Variants in MPDZ observed in about 807,000 individuals in gnomAD.
The protein encoded by MPDZ is multiple PDZ domain crumbs cell polarity complex component.
Under a neutral mutation model 239.1 loss-of-function variants are expected in MPDZ, and 234 were observed. That is an observed-to-expected ratio of 0.98 (90% CI 0.88 to 1.09). The LOEUF is 1.09. Among genes scored for constraint, MPDZ ranks in the 50% least tolerant of loss-of-function variants. MPDZ has a pLI of 0.00. For missense variants in MPDZ, 3,175 were observed against 2,510.0 expected, an observed-to-expected ratio of 1.26 and a Z score of -5.66; for synonymous variants, 1,048 against 881.3, an observed-to-expected ratio of 1.19 and a Z score of -3.35.
intron 1 of MPDZ, among the ~76,000 whole-genome samples, chr9:13,261,446 A>C (rs1031360349): frequency 6.6e-6 from 1 of 152,028 alleles, no homozygotes; most frequent in Non-Finnish European, 1.5e-5. Flanking sequence ...GTACCATATC[A>C]TTACATCCAA....
chr9:13,164,345 A>G (rs1379433452), intron 22 of MPDZ, among the ~76,000 whole-genome samples: 7 of 152,200 alleles, frequency 4.6e-5, no homozygotes, highest in African/African-American at 1.7e-4. Flanking sequence ...CCCTTCAAAT[A>G]ATACATTATG....
intron 24 of MPDZ, among the ~76,000 whole-genome samples, chr9:13,150,924 A>G (rs1949081677): frequency 6.6e-6 from 1 of 152,092 alleles, no homozygotes; most frequent in South Asian, 2.1e-4. Flanking sequence ...AACATATCTG[A>G]TAAGAGATTC....
At position 13,252,461 on chromosome 9, in the gene MPDZ, G is replaced by C. The variant is rs548926132; in HGVS notation, c.-57-2089C>G. On this transcript the variant is annotated intron_variant, in intron 1 of 46. Coordinates refer to ENST00000319217, the MANE Select transcript of MPDZ (RefSeq NM_001378778.1). Reference sequence around the variant, plus strand: ...CCAGCCTATAATCCCAGCTACTCAGGAGTCTGAGACAGGAGAATCACTTGA... The same window carrying C: ...CCAGCCTATAATCCCAGCTACTCAGCAGTCTGAGACAGGAGAATCACTTGA... Among the ~76,000 whole-genome samples, 13 of 151,454 alleles carry C rather than the reference G, an allele frequency of 8.6e-5. No homozygotes were observed. In the East Asian group the frequency reaches 9.8e-4, roughly 11 times the overall value.
intron 10 of MPDZ, among the ~76,000 whole-genome samples, chr9:13,207,158 G>A (rs1957097497): frequency 6.6e-6 from 1 of 152,150 alleles, no homozygotes; most frequent in South Asian, 2.1e-4. Flanking sequence ...AAGAAAAAAA[G>A]TGTCCTGTCT....
At chr9:13,198,604 G>C (rs1009154806) in intron 12 of MPDZ, among the ~76,000 whole-genome samples, 17 of 151,860 alleles carry the variant, frequency 1.1e-4, no homozygotes, top group African/African-American at 3.9e-4. Context: ...GATCCCATTT[G>C]TCCATTTTGG....
chr9:13,168,290 G>T, intron 22 of MPDZ, 76 bp downstream of exon 22: 3 of 1,361,022 alleles, frequency 2.2e-6, no homozygotes, highest in South Asian at 1.2e-5. Context: ...AAACAGAAGT[G>T]AATACTGAAA....
intron 3 of MPDZ, among the ~76,000 whole-genome samples, chr9:13,239,376 T>A (rs1324653683): frequency 6.6e-6 from 1 of 152,252 alleles, no homozygotes; most frequent in East Asian, 1.9e-4. Flanking sequence ...CATTTCCCTA[T>A]CTATAAAATG....
At chr9:13,154,341 A>T (rs902828128) in intron 24 of MPDZ, among the ~76,000 whole-genome samples, 4 of 152,102 alleles carry the variant, frequency 2.6e-5, no homozygotes, top group African/African-American at 9.7e-5. Flanking sequence ...GGGAAAAAAA[A>T]GGCAGCCTAT....
rs143164446 is a variant in MPDZ at position 13,183,674 on chromosome 9, G to A, written c.2482-89C>T. On this transcript the variant is annotated intron_variant, in intron 18 of 46. Coordinates refer to ENST00000319217, the MANE Select transcript of MPDZ (RefSeq NM_001378778.1). The stretch of plus-strand genomic sequence containing the variant: ...CCACTTGAGACTAAAAGGCAAACTG[G>A]TATCATTCTTTTATCTATTGTATTT... The A allele has an allele frequency of 3.2e-6, 4 of 1,231,470 alleles. No individual in the cohort carries two copies. In the South Asian group the frequency reaches 3.8e-5, roughly 12 times the overall value. 76.3% of individuals were successfully genotyped at this position (1,231,470 alleles called of 1,614,324 possible).
intron 35 of MPDZ, among the ~76,000 whole-genome samples, chr9:13,123,947 A>G (rs887178629): frequency 1.3e-5 from 2 of 152,220 alleles, no homozygotes; most frequent in Non-Finnish European, 1.5e-5. Flanking sequence ...TCAGAAATGA[A>G]TAGATAAGAA....
chr9:13,155,116 C>G (rs1364906749), intron 24 of MPDZ, among the ~76,000 whole-genome samples: 1 of 150,046 alleles, frequency 6.7e-6, no homozygotes, highest in Non-Finnish European at 1.5e-5. Flanking sequence ...ACTTAGGAGG[C>G]TGAGGCAGGA....
intron 35 of MPDZ, among the ~76,000 whole-genome samples, chr9:13,124,617 A>T (rs1194458708): frequency 6.6e-6 from 1 of 152,222 alleles, no homozygotes; most frequent in East Asian, 1.9e-4. Context: ...GACACATTAA[A>T]GTGTCACCCT....
At chr9:13,163,438 G>A (rs1046296706) in intron 22 of MPDZ, among the ~76,000 whole-genome samples, 2 of 152,110 alleles carry the variant, frequency 1.3e-5, no homozygotes, top group Admixed American at 6.6e-5. Flanking sequence ...ATTTACACGT[G>A]AATGGCCATT....
chr9:13,110,250 G>C (rs1481288027), intron 44 of MPDZ, among the ~76,000 whole-genome samples, 186 bp from the exon 45 acceptor site: 1 of 152,198 alleles, frequency 6.6e-6, no homozygotes, highest in Non-Finnish European at 1.5e-5. Context: ...TAACTGTCCT[G>C]ACAGTAAACA....
chr9:13,139,156 T>C (rs935624865), intron 28 of MPDZ, among the ~76,000 whole-genome samples: 6 of 152,208 alleles, frequency 3.9e-5, no homozygotes, highest in Non-Finnish European at 7.3e-5. Flanking sequence ...GATTCTTAAC[T>C]GCATCAATTT....
Position 13,226,796 on chromosome 9 carries a change from C to T in MPDZ, c.184-2213G>A, listed in dbSNP as rs568510029. 3.9e-5 allele frequency among the ~76,000 whole-genome samples: 6 copies of T among 152,230 alleles called. No homozygotes were observed. In the South Asian group the frequency reaches 1.2e-3, roughly 32 times the overall value. ...TTGACTATTTTATTTTTACTATGCCCTCGTTCTCTAGAAGAATGCCTTATA... is the reference window on the plus strand; with the variant it reads ...TTGACTATTTTATTTTTACTATGCCTTCGTTCTCTAGAAGAATGCCTTATA... On this transcript the variant is annotated intron_variant, in intron 3 of 46. Coordinates refer to ENST00000319217, the MANE Select transcript of MPDZ (RefSeq NM_001378778.1).
chr9:13,184,740 T>C (rs987293244), intron 18 of MPDZ, among the ~76,000 whole-genome samples: 2 of 151,960 alleles, frequency 1.3e-5, no homozygotes, highest in African/African-American at 4.8e-5. Context: ...TCAATATAAT[T>C]TGTATGTATA....
rs564875984 is a variant in MPDZ at position 13,245,424 on chromosome 9, A to G, written c.183+2211T>C. Among the ~76,000 whole-genome samples, 185 of 151,540 alleles carry G rather than the reference A, an allele frequency of 1.2e-3. 1 individual carries two copies. The highest frequency in any genetic ancestry group is 6.0e-3 in the South Asian group (29 of 4,816). ...CTTTCTACCTTTGAAAAAAAAAAAA[A>G]AAGAAGAAGAAGATGTGAGACAGGC... is the stretch of plus-strand genomic sequence containing the variant. On this transcript the variant is annotated intron_variant, in intron 3 of 46. Coordinates refer to ENST00000319217, the MANE Select transcript of MPDZ (RefSeq NM_001378778.1).
At chr9:13,139,913 G>A in intron 28 of MPDZ, 74 bp downstream of exon 28, 2 of 1,561,818 alleles carry the variant, frequency 1.3e-6, no homozygotes, top group Non-Finnish European at 1.8e-6. Context: ...ACTTATCCAG[G>A]GCGAAATCCT....
Sources: allele counts gnomAD v4.1 joint callset (sites outside exome capture counted in the v4.1 genomes callset), GRCh38; gene constraint gnomAD v4.1.1; transcripts MANE v1.5; gene names NCBI Gene and HGNC (gene_info 2026-07-23, HGNC 2026-07-21).